The following WWOX variants were observed in gnomAD, a reference collection of about 807,000 sequenced individuals.
WWOX encodes WW domain containing oxidoreductase.
WWOX carries 69 observed loss-of-function variants against 46.2 expected under a neutral mutation model. The observed-to-expected ratio is 1.49, with a 90% confidence interval of 1.23 to 1.82. The LOEUF (loss-of-function observed/expected upper bound fraction) is 1.82. WWOX is among the 40% of genes most tolerant of loss of function. The pLI, the probability that WWOX is intolerant of heterozygous loss-of-function variation, is 0.00. For synonymous variants in WWOX, 359 were observed against 202.6 expected, an observed-to-expected ratio of 1.77 and a Z score of -6.56; for missense variants, 919 against 542.6, an observed-to-expected ratio of 1.69 and a Z score of -6.89.
intron 6 of WWOX, 115 bp from the exon 7 acceptor site, chr16:78,424,755 G>A: frequency 2.5e-6 from 3 of 1,179,808 alleles, no homozygotes; most frequent in Admixed American, 3.4e-5. Context: ...GAAGGAGCAT[G>A]GATTATCCTT....
chr16:78,413,219 T>C lies in WWOX; in HGVS notation c.606-11651T>C, dbSNP rs72628248. Among the ~76,000 whole-genome samples, 1,058 of 152,256 alleles carry C rather than the reference T, an allele frequency of 6.9e-3. 23 individuals carry two copies. The East Asian group carries it at 0.084, about 12-fold the overall frequency. On this transcript the variant is annotated intron_variant, in intron 6 of 8. Coordinates refer to ENST00000566780, the MANE Select transcript of WWOX (RefSeq NM_016373.4). ...CCGAGAATTCAGGGATCGGAGTCTT[T>C]AAGGAGAAATGTGGTGGATAGGGAG... is the stretch of plus-strand genomic sequence containing the variant.
At chr16:78,137,030 A>T (rs2033816793) in intron 4 of WWOX, among the ~76,000 whole-genome samples, 1 of 152,178 alleles carries the variant, frequency 6.6e-6, no homozygotes, top group South Asian at 2.1e-4. Context: ...TCCTGGAATT[A>T]CCATTCACAT....
chr16:78,371,635 T>C (rs762225942), intron 5 of WWOX, among the ~76,000 whole-genome samples: 9 of 152,196 alleles, frequency 5.9e-5, no homozygotes, highest in Non-Finnish European at 8.8e-5. Context: ...ATGATTGTTA[T>C]ATATTCTTGC....
intron 8 of WWOX, among the ~76,000 whole-genome samples, chr16:78,587,192 AC>A (rs2045228744): frequency 9.2e-6 from 1 of 108,318 alleles, no homozygotes; most frequent in South Asian, 2.8e-4. Flanking sequence ...TGCCTGGCTA[AC>A]TTTTTTTTTT....
intron 5 of WWOX, among the ~76,000 whole-genome samples, chr16:78,180,004 A>G (rs1211489331): frequency 1.3e-5 from 2 of 152,202 alleles, no homozygotes; most frequent in African/African-American, 4.8e-5. Flanking sequence ...TGGAAAGCAG[A>G]CCAGCAGAAG....
chr16:78,428,654 T>C (rs764475965), intron 7 of WWOX, among the ~76,000 whole-genome samples: 27 of 152,226 alleles, frequency 1.8e-4, no homozygotes, highest in Non-Finnish European at 3.4e-4. Flanking sequence ...TAGTGTTCCC[T>C]AGTCATGACA....
intron 6 of WWOX, among the ~76,000 whole-genome samples, chr16:78,421,018 G>A (rs1303185090): frequency 2.0e-5 from 3 of 152,062 alleles, no homozygotes; most frequent in African/African-American, 7.2e-5. Flanking sequence ...CTCTGTTGTT[G>A]GATGTTAGAT....
chr16:79,020,736 G>A (rs2047516538), intron 8 of WWOX, among the ~76,000 whole-genome samples: 1 of 152,190 alleles, frequency 6.6e-6, no homozygotes, highest in Admixed American at 6.5e-5. Flanking sequence ...GGGGAAGGGT[G>A]TTGATGTCAA....
intron 5 of WWOX, among the ~76,000 whole-genome samples, chr16:78,316,867 C>G (rs527779475): frequency 6.6e-6 from 1 of 152,184 alleles, no homozygotes; most frequent in Non-Finnish European, 1.5e-5. Flanking sequence ...CAACCCTGCA[C>G]CCTGGGACAT....
chr16:78,621,734 A>G (rs749088012), intron 8 of WWOX, among the ~76,000 whole-genome samples: 1 of 149,476 alleles, frequency 6.7e-6, no homozygotes, highest in Non-Finnish European at 1.5e-5. Context: ...CCTGCGGAGT[A>G]GCTGGGACTA....
intron 5 of WWOX, chr16:78,241,189 C>G (rs1399396691): frequency 6.6e-6 from 1 of 152,242 alleles, no homozygotes; most frequent in Non-Finnish European, 1.5e-5. Flanking sequence ...ACCCATGATA[C>G]TTACCCACCT....
rs1415547475 is a variant in WWOX at position 78,734,992 on chromosome 16, G to A, written c.1056+302240G>A. Among the ~76,000 whole-genome samples, 8 of 150,670 alleles carry A rather than the reference G, an allele frequency of 5.3e-5. No homozygotes were observed. The East Asian group carries it at 9.9e-4, about 19-fold the overall frequency. On this transcript the variant is annotated intron_variant, in intron 8 of 8. Transcript: ENST00000566780. ...GCGATTCTCCTGCCTCAGCCTTCCC[G>A]AGTAGCTGGGATTACAGGCACCCAC... is the stretch of plus-strand genomic sequence containing the variant.
intron 8 of WWOX, among the ~76,000 whole-genome samples, chr16:78,583,202 G>T (rs1196898078): frequency 6.6e-6 from 1 of 152,174 alleles, no homozygotes; most frequent in Non-Finnish European, 1.5e-5. Context: ...CTGAAACTCA[G>T]GAGGCTGCTC....
At chr16:78,855,205 C>T (rs2052539024) in intron 8 of WWOX, among the ~76,000 whole-genome samples, 1 of 152,138 alleles carries the variant, frequency 6.6e-6, no homozygotes, top group Non-Finnish European at 1.5e-5. Context: ...TTCATTAATA[C>T]AGGTTTGACC....
At position 78,843,283 on chromosome 16, in the gene WWOX, A is replaced by G. The variant is rs778580071; in HGVS notation, c.1057-368325A>G. 2.6e-4 allele frequency among the ~76,000 whole-genome samples: 39 copies of G among 150,038 alleles called. 3 individuals carry two copies. Among genetic ancestry groups the G allele is most frequent in the Non-Finnish European group, 4.0e-4 (27 of 67,076 alleles). On this transcript the variant is annotated intron_variant, in intron 8 of 8. Coordinates refer to ENST00000566780, the MANE Select transcript of WWOX (RefSeq NM_016373.4). ...TACCTCTAAAGAATGCGATTTTTCT[A>G]TTTCTCCACCTGCAAAATTCTTACT...
At chr16:78,225,681 C>T (rs185811756) in intron 5 of WWOX, among the ~76,000 whole-genome samples, 1 of 152,206 alleles carries the variant, frequency 6.6e-6, no homozygotes, top group East Asian at 1.9e-4. Context: ...ATTGTCCCAA[C>T]ACCAGTTATT....
chr16:79,046,728 C>A (rs773911236), intron 8 of WWOX, among the ~76,000 whole-genome samples: 1 of 152,142 alleles, frequency 6.6e-6, no homozygotes, highest in East Asian at 1.9e-4. Flanking sequence ...CCATTCAGCT[C>A]CCACCTCTTT....
chr16:78,829,759 T>C (rs1435905167), intron 8 of WWOX, among the ~76,000 whole-genome samples: 2 of 152,146 alleles, frequency 1.3e-5, no homozygotes, highest in East Asian at 3.8e-4. Flanking sequence ...ATTCAGAGTA[T>C]CCCAAGATCC....
intron 6 of WWOX, among the ~76,000 whole-genome samples, chr16:78,391,460 C>T (rs1037785134): frequency 1.3e-5 from 2 of 152,220 alleles, no homozygotes; most frequent in East Asian, 3.9e-4. Context: ...GAACCCAAAT[C>T]TCTCTGAATC....
Sources: gnomAD v4.1 joint callset for allele counts (sites outside exome capture counted in the v4.1 genomes callset) on GRCh38, gnomAD v4.1.1 for gene constraint, MANE v1.5 for transcripts, NCBI Gene and HGNC (gene_info 2026-07-23, HGNC 2026-07-21) for gene names.